SCO1: variants seen among roughly 807,000 people sequenced by gnomAD.
SCO1 encodes synthesis of cytochrome C oxidase 1, also known as cytochrome c oxidase assembly factor SCO1.
Under a neutral mutation model 34.0 loss-of-function variants are expected in SCO1, and 23 were observed. The ratio of observed to expected loss-of-function variants is 0.68; its 90% CI spans 0.49 to 0.96. SCO1 has a LOEUF of 0.96. Among genes scored for constraint, SCO1 ranks in the 40% least tolerant of loss-of-function variants. The probability of loss-of-function intolerance (pLI) is 0.00; values close to 1 mark genes in which losing one functional copy is unlikely to be tolerated. For synonymous variants in SCO1, 161 were observed against 145.5 expected (o/e 1.11, Z -0.77); for missense variants, 404 against 381.6 (o/e 1.06, Z -0.49).
In SCO1 at chr17:10,673,332, A is replaced by T. The variant is rs2074559217; in HGVS notation, c.*7787T>A. On this transcript the variant is annotated 3_prime_UTR_variant, in exon 6 of 6. Coordinates refer to ENST00000255390, the MANE Select transcript of SCO1 (RefSeq NM_004589.4). Reference sequence around the variant, plus strand: ...ATATCCCTCGTACTCAGCTTAACATAGGTATTCCGCAATGTTGACGTCGTC... The same window carrying T: ...ATATCCCTCGTACTCAGCTTAACATTGGTATTCCGCAATGTTGACGTCGTC... 1 of 150,224 alleles carries T rather than the reference A, an allele frequency of 6.7e-6. No homozygotes were observed. The highest frequency in any genetic ancestry group is 6.7e-5 in the Admixed American group (1 of 14,938). 9.3% of individuals were successfully genotyped at this position (150,224 alleles called of 1,614,324 possible).
At chr17:10,691,223 G>A (rs570546196) in intron 4 of SCO1, among the ~76,000 whole-genome samples, 2 of 152,102 alleles carry the variant, frequency 1.3e-5, no homozygotes, top group African/African-American at 4.8e-5. Context: ...AGGTTCACGC[G>A]AATTCTCCTG....
chr17:10,692,951 C>A lies in SCO1; in HGVS notation c.375G>T (p.Lys125Asn). The change falls in exon 3 of 6, where the codon AAG becomes AAT. Residue 125 changes from lysine (K) to asparagine (N), a missense_variant. Transcript: ENST00000255390. ...GCTTGCCGATGTGTCGCTGCCGTTC[C>A]TTCTCTAACTCTTAAGGAGACAAAA... ...VKKEKAEKLE[K>N]ERQRHIGKPL... 1 of 1,614,072 alleles carries A rather than the reference C, an allele frequency of 6.2e-7. No homozygotes were observed. Among genetic ancestry groups the A allele is most frequent in the South Asian group, 1.1e-5 (1 of 91,080 alleles).
rs562241724 is a variant in SCO1 at position 10,673,531 on chromosome 17, G to C, written c.*7588C>G. 1 of 152,232 alleles carries C rather than the reference G, an allele frequency of 6.6e-6. No homozygotes were observed. The highest frequency in any genetic ancestry group is 1.5e-5 in the Non-Finnish European group (1 of 68,066). The allele number at this position is 152,232 out of a possible 1,614,324, so 9.4% of individuals were successfully genotyped here. ...TTAGGAATGGAATGTAATCCTTGCA[G>C]GGCTCTCTGCCCCACTTTCTTCTGT... On this transcript the variant is annotated 3_prime_UTR_variant, in exon 6 of 6. Coordinates refer to ENST00000255390, the MANE Select transcript of SCO1 (RefSeq NM_004589.4).
At chr17:10,681,380 T>A (rs894873287) in intron 5 of SCO1, 127 bp from the exon 6 acceptor site, 3 of 1,047,926 alleles carry the variant, frequency 2.9e-6, no homozygotes, top group Non-Finnish European at 2.9e-6. Context: ...CATCTATTAT[T>A]TATGGAATAG....
In SCO1 at chr17:10,691,973, G is replaced by C. The variant is rs755356189; in HGVS notation, c.563-9C>G. On this transcript the variant is annotated splice_polypyrimidine_tract_variant and intron_variant, in intron 3 of 5. Coordinates refer to ENST00000255390, the MANE Select transcript of SCO1 (RefSeq NM_004589.4). Reference sequence around the variant, plus strand: ...CAGAGTTGTAATGCTATCTGAAAGAGAGTTCCAATTAGTCCGTATTCACAC... The same window carrying C: ...CAGAGTTGTAATGCTATCTGAAAGACAGTTCCAATTAGTCCGTATTCACAC... 5.0e-6 allele frequency: 8 copies of C among 1,588,506 alleles called. No individual in the cohort carries two copies. The highest frequency in any genetic ancestry group is 2.2e-5 in the East Asian group (1 of 44,766).
At chr17:10,688,089 C>T (rs530596412) in intron 4 of SCO1, among the ~76,000 whole-genome samples, 1 of 152,218 alleles carries the variant, frequency 6.6e-6, no homozygotes, top group East Asian at 1.9e-4. Flanking sequence ...ACCTTCGTAA[C>T]CTTAGGTTAG....
Position 10,686,817 on chromosome 17 carries a change from C to T in SCO1, c.681G>A (p.Leu227=). ...VKEFSPKLVG[L]TGTREEVDQV... ...GATCGACCTCTTCTCTCGTGCCAGT[C>T]AAGCCAACCAGTTTGGGAGAAAATT... The change falls in exon 5 of 6, where the codon TTG becomes TTA. Residue 227 remains leucine, a synonymous_variant. Transcript: ENST00000255390. 6.2e-7 allele frequency: 1 copy of T among 1,613,718 alleles called. No homozygotes were observed. Among genetic ancestry groups the T allele is most frequent in the East Asian group, 2.2e-5 (1 of 44,864 alleles).
At position 10,681,036 on chromosome 17, in the gene SCO1, T is replaced by C; in HGVS notation, c.*83A>G. ...CCATTCTGTAGAGTGCACGTATATATGTTTATATTTATATAGGCTCCTATG... is the reference window on the plus strand; with the variant it reads ...CCATTCTGTAGAGTGCACGTATATACGTTTATATTTATATAGGCTCCTATG... On this transcript the variant is annotated 3_prime_UTR_variant, in exon 6 of 6. Transcript: ENST00000255390. 2 of 1,479,276 alleles carry C rather than the reference T, an allele frequency of 1.4e-6. No homozygotes were observed. The highest frequency in any genetic ancestry group is 1.9e-6 in the Non-Finnish European group (2 of 1,058,052). The allele number at this position is 1,479,276 out of a possible 1,614,324, so 91.6% of individuals were successfully genotyped here.
Position 10,697,340 on chromosome 17 carries a change from C to T in SCO1, c.168G>A (p.Gly56=), listed in dbSNP as rs1445752933. 1.1e-5 allele frequency: 17 copies of T among 1,576,690 alleles called. No homozygotes were observed. The highest frequency in any genetic ancestry group is 1.5e-5 in the Non-Finnish European group (17 of 1,161,924). The change falls in exon 1 of 6, where the codon GGG becomes GGA. Residue 56 remains glycine, a synonymous_variant. Transcript: ENST00000255390. ...ARQAEAWRAS[G]RPGYCLGTRP... ...GGGTTCCCAGGCAATAGCCAGGGCG[C>T]CCCGAGGCACGCCACGCCTCCGCTT...
At chr17:10,692,407 A>G (rs556109306) in intron 3 of SCO1, among the ~76,000 whole-genome samples, 5 of 152,324 alleles carry the variant, frequency 3.3e-5, no homozygotes, top group Admixed American at 2.0e-4. Context: ...TCTTACTAGT[A>G]CTAGTAAAAT....
intron 5 of SCO1, among the ~76,000 whole-genome samples, chr17:10,685,107 G>C (rs537490627): frequency 8.5e-5 from 13 of 152,146 alleles, no homozygotes; most frequent in Non-Finnish European, 1.8e-4. Context: ...AGGTTCAAAG[G>C]GACAAAGAAA....
At chr17:10,695,882 T>G (rs1361082993) in intron 1 of SCO1, 51 bp from the exon 2 acceptor site, 2 of 1,326,774 alleles carry the variant, frequency 1.5e-6, no homozygotes, top group Non-Finnish European at 2.2e-6. Context: ...ATGCAAACAT[T>G]TAACCATACA....
chr17:10,677,902 G>C lies in SCO1; in HGVS notation c.*3217C>G, dbSNP rs2074592557. 6.6e-6 allele frequency: 1 copy of C among 152,260 alleles called. No homozygotes were observed. The highest frequency in any genetic ancestry group is 2.4e-5 in the African/African-American group (1 of 41,430). 9.4% of individuals were successfully genotyped at this position (152,260 alleles called of 1,614,324 possible). On this transcript the variant is annotated 3_prime_UTR_variant, in exon 6 of 6. Transcript: ENST00000255390. Reference sequence around the variant, plus strand: ...GAGGCCGAGGCGGCGGATCACCTGAGGTCGGGAGTTTGAGACCAGTCTGAC... The same window carrying C: ...GAGGCCGAGGCGGCGGATCACCTGACGTCGGGAGTTTGAGACCAGTCTGAC...
chr17:10,683,861 C>T (rs2066901), intron 5 of SCO1: 76,723 of 151,858 alleles, frequency 0.51, 20,147 homozygotes, highest in African/African-American at 0.65. Context: ...TTGTTGCTGT[C>T]GTTTGGGATT....
At position 10,676,358 on chromosome 17, in the gene SCO1, T is replaced by C. The variant is rs139592121; in HGVS notation, c.*4761A>G. 3,099 of 152,364 alleles carry C rather than the reference T, an allele frequency of 0.02. 120 individuals are homozygous for C. Among genetic ancestry groups the C allele is most frequent in the African/African-American group, 0.069 (2,850 of 41,542 alleles). The allele number at this position is 152,364 out of a possible 1,614,324, so 9.4% of individuals were successfully genotyped here. A position where few individuals can be genotyped will look rare whatever the true frequency, so the allele number is the denominator to read the frequency against. ...CACCCGCCTTTGCTTCCCAAAGTAC[T>C]GGGATTACAGGCATGAGCCACCGTG... On this transcript the variant is annotated 3_prime_UTR_variant, in exon 6 of 6. Transcript: ENST00000255390.
In SCO1 at chr17:10,691,924, G is replaced by T. The variant is rs759311621; in HGVS notation, c.603C>A (p.Ile201=). Residue 201 remains isoleucine, a synonymous_variant, in exon 4 of 6, where the codon ATC becomes ATA. Transcript: ENST00000255390. The stretch of plus-strand genomic sequence containing the variant: ...TTGTGTCCCTCTCTGGGTCAATGCT[G>T]ATGAAAAGTGGAGTTAGATCTGGCA... ...TTLPDLTPLF[I]SIDPERDTKE... is the part of the protein sequence containing the mutation. 2 of 1,613,676 alleles carry T rather than the reference G, an allele frequency of 1.2e-6. No individual in the cohort carries two copies. The highest frequency in any genetic ancestry group is 2.2e-5 in the South Asian group (2 of 91,076).
chr17:10,679,094 C>T lies in SCO1; in HGVS notation c.*2025G>A, dbSNP rs2662962. Reference sequence around the variant, plus strand: ...CGGAGTAACTGAGATTACAGGCACCCGCTACCATGCCCGGCTAATTTTTGT... The same window carrying T: ...CGGAGTAACTGAGATTACAGGCACCTGCTACCATGCCCGGCTAATTTTTGT... On this transcript the variant is annotated 3_prime_UTR_variant, in exon 6 of 6. Transcript: ENST00000255390. The T allele has an allele frequency of 0.039, 5,885 of 152,202 alleles. 374 individuals carry two copies. The highest frequency in any genetic ancestry group is 0.13 in the African/African-American group (5,314 of 41,460). The allele number at this position is 152,202 out of a possible 1,614,324, so 9.4% of individuals were successfully genotyped here. A position where few individuals can be genotyped will look rare whatever the true frequency, so the allele number is the denominator to read the frequency against.
chr17:10,693,525 G>GT (rs2074703054), intron 2 of SCO1, among the ~76,000 whole-genome samples: 1 of 152,208 alleles, frequency 6.6e-6, no homozygotes, highest in East Asian at 1.9e-4. Flanking sequence ...AGGTACTAGT[G>GT]TGAACTTCTA....
At position 10,697,450 on chromosome 17, in the gene SCO1, A is replaced by G; in HGVS notation, c.58T>C (p.Trp20Arg). Residue 20 changes from tryptophan (W) to arginine (R), a missense_variant, in exon 1 of 6, where the codon TGG (tryptophan) becomes CGG (arginine). By Grantham distance (101) the Trp-to-Arg change is moderately radical. Coordinates refer to ENST00000255390, the MANE Select transcript of SCO1 (RefSeq NM_004589.4). ...TCGAGTCCGCGAGGCAAGAAGCGCC[A>G]AAGTTGGCCACCCAGAGGCCGCATA... ...RVMRPLGGQLWRFLPRGLEFW... is the reference protein window; with the variant it reads ...RVMRPLGGQLRRFLPRGLEFW... 1 of 1,613,068 alleles carries G rather than the reference A, an allele frequency of 6.2e-7. No individual in the cohort carries two copies. The highest frequency in any genetic ancestry group is 1.3e-5 in the African/African-American group (1 of 75,002).
Sources: allele counts gnomAD v4.1 joint callset (sites outside exome capture counted in the v4.1 genomes callset), GRCh38; gene constraint gnomAD v4.1.1; transcripts MANE v1.5; gene names NCBI Gene and HGNC (gene_info 2026-07-23, HGNC 2026-07-21).